The following STK3 variants were observed in gnomAD, a reference collection of about 807,000 sequenced individuals.
STK3 encodes the protein serine/threonine kinase 3, also known as serine/threonine-protein kinase 3.
Under a neutral mutation model 58.0 loss-of-function variants are expected in STK3, and 41 were observed. The ratio of observed to expected loss-of-function variants is 0.71; its 90% CI spans 0.55 to 0.92. STK3 has a LOEUF of 0.92. Ranked by LOEUF, STK3 falls within the 40% of genes least tolerant of loss-of-function variation. The pLI is 0.00. For missense variants in STK3, 479 were observed against 602.7 expected (o/e 0.79, Z 2.15); for synonymous variants, 170 against 191.0 (o/e 0.89, Z 0.91).
At chr8:98,643,702 T>C (rs1355800243) in intron 6 of STK3, among the ~76,000 whole-genome samples, 1 of 152,198 alleles carries the variant, frequency 6.6e-6, no homozygotes, top group Non-Finnish European at 1.5e-5. Flanking sequence ...ACAACAAATA[T>C]TTGTTGAATG....
intron 4 of STK3, among the ~76,000 whole-genome samples, chr8:98,730,925 A>C (rs1828146130): frequency 6.6e-6 from 1 of 152,084 alleles, no homozygotes; most frequent in Non-Finnish European, 1.5e-5. Context: ...TTCTATTAAT[A>C]GTTTTCTGTT....
chr8:98,373,569 G>T (rs573267574), intron 2 of STK3, among the ~76,000 whole-genome samples: 1 of 152,310 alleles, frequency 6.6e-6, no homozygotes, highest in African/African-American at 2.4e-5. Context: ...CTGAGGCCTA[G>T]AGAGATAATT....
At chr8:98,867,564 G>A (rs1837191436) in intron 3 of STK3, among the ~76,000 whole-genome samples, 1 of 151,998 alleles carries the variant, frequency 6.6e-6, no homozygotes, top group Admixed American at 6.5e-5. Context: ...AAGGCAGGGA[G>A]GGCATGGAAA....
intron 6 of STK3, chr8:98,603,192 C>G (rs527764318): frequency 2.0e-5 from 3 of 151,232 alleles, no homozygotes; most frequent in Non-Finnish European, 4.4e-5. Context: ...GTAATAATGA[C>G]TATAACTGAT....
chr8:98,525,659 C>T (rs927800918), intron 10 of STK3, among the ~76,000 whole-genome samples: 1 of 151,964 alleles, frequency 6.6e-6, no homozygotes, highest in African/African-American at 2.4e-5. Flanking sequence ...ATTAAGTAGA[C>T]ATTGCAATGA....
At position 98,623,163 on chromosome 8, in the gene STK3, A is replaced by T. The variant is rs537490640; in HGVS notation, c.685-26994T>A. ...CATGGAACATATTGTGAGGGAGGGA[A>T]GAATAAGATGAGAAGGAGGAGAAAA... is the stretch of plus-strand genomic sequence containing the variant. On this transcript the variant is annotated intron_variant, in intron 6 of 10. Coordinates refer to ENST00000419617, the MANE Select transcript of STK3 (RefSeq NM_006281.4). Among the ~76,000 whole-genome samples the T allele has an allele frequency of 5.9e-5, 9 of 152,198 alleles. No homozygotes were observed. In the South Asian group the frequency reaches 1.9e-3, roughly 32 times the overall value.
At chr8:98,411,243 C>G (rs1818052373) in intron 3 of STK3, among the ~76,000 whole-genome samples, 1 of 152,232 alleles carries the variant, frequency 6.6e-6, no homozygotes, top group Non-Finnish European at 1.5e-5. Flanking sequence ...TTGCATTGCT[C>G]TAACTGCTCT....
intron 6 of STK3, among the ~76,000 whole-genome samples, chr8:98,648,409 CT>C (rs1820576798): frequency 6.6e-6 from 1 of 152,112 alleles, no homozygotes; most frequent in South Asian, 2.1e-4. Context: ...CAAAAAGATC[CT>C]TGCTTTGAAA....
the STK3 span, among the ~76,000 whole-genome samples, chr8:98,347,742 C>A: frequency 6.6e-6 from 1 of 151,860 alleles, no homozygotes; most frequent in Admixed American, 6.6e-5. Flanking sequence ...CTATATGTTG[C>A]CTATAGGAAA....
At chr8:98,886,219 T>C (rs1409754536) in intron 1 of STK3, among the ~76,000 whole-genome samples, 2 of 152,158 alleles carry the variant, frequency 1.3e-5, no homozygotes, top group Non-Finnish European at 1.5e-5. Flanking sequence ...CTAAAATTGG[T>C]GAAATCTGAA....
chr8:98,850,139 A>T (rs970725558), intron 3 of STK3, among the ~76,000 whole-genome samples: 23 of 151,790 alleles, frequency 1.5e-4, no homozygotes, highest in Non-Finnish European at 2.4e-4. Context: ...GTGTAGATTT[A>T]AAAAAATGAT....
intron 6 of STK3, among the ~76,000 whole-genome samples, chr8:98,631,587 C>A (rs2130511497): frequency 6.6e-6 from 1 of 152,284 alleles, no homozygotes; most frequent in East Asian, 1.9e-4. Context: ...ACAAACATAT[C>A]TGTCATTCTG....
chr8:98,628,784 A>G (rs1042533759), intron 6 of STK3, among the ~76,000 whole-genome samples: 3 of 146,852 alleles, frequency 2.0e-5, no homozygotes, highest in Non-Finnish European at 3.0e-5. Flanking sequence ...CCCAGGCAAT[A>G]GAGGAATATC....
chr8:98,636,871 T>TA (rs1563832109), intron 6 of STK3, among the ~76,000 whole-genome samples: 2 of 152,094 alleles, frequency 1.3e-5, no homozygotes, highest in Non-Finnish European at 2.9e-5. Flanking sequence ...GTAATAAATA[T>TA]AAACTATCCA....
intron 10 of STK3, among the ~76,000 whole-genome samples, chr8:98,485,034 G>A (rs1416301535): frequency 1.3e-5 from 2 of 152,200 alleles, no homozygotes; most frequent in African/African-American, 4.8e-5. Flanking sequence ...GAGATCAGGA[G>A]TTCAAGATCA....
intron 3 of STK3, among the ~76,000 whole-genome samples, chr8:98,403,009 G>C (rs1237726120): frequency 1.3e-5 from 2 of 152,198 alleles, no homozygotes; most frequent in African/African-American, 4.8e-5. Flanking sequence ...CTTGGGCCTT[G>C]CACTAATTGT....
intron 3 of STK3, among the ~76,000 whole-genome samples, chr8:98,421,394 G>GC (rs551536212): frequency 6.0e-4 from 92 of 152,184 alleles, no homozygotes; most frequent in Non-Finnish European, 1.1e-3. Flanking sequence ...GGAGGTGGTT[G>GC]CCCCTACCCT....
chr8:98,938,689 C>G (rs1475708460), intron 1 of STK3, among the ~76,000 whole-genome samples: 1 of 152,096 alleles, frequency 6.6e-6, no homozygotes, highest in African/African-American at 2.4e-5. Context: ...CTGGCCCACC[C>G]GTGGTCCCTC....
intron 1 of STK3, among the ~76,000 whole-genome samples, chr8:98,783,543 C>A (rs1832256066): frequency 6.6e-6 from 1 of 152,160 alleles, no homozygotes; most frequent in Non-Finnish European, 1.5e-5. Context: ...ATAGCTTCTG[C>A]CTGATCAGGG....
Sources: gnomAD v4.1 joint callset for allele counts (sites outside exome capture counted in the v4.1 genomes callset) on GRCh38, gnomAD v4.1.1 for gene constraint, MANE v1.5 for transcripts, NCBI Gene and HGNC (gene_info 2026-07-23, HGNC 2026-07-21) for gene names.